Variants in PCDHGB7 observed in about 807,000 individuals in gnomAD.
The protein encoded by PCDHGB7 is protocadherin gamma subfamily B, 7, also known as protocadherin gamma-B7.
In PCDHGB7, 37 loss-of-function variants were observed where a neutral mutation model predicts 61.4. The ratio of observed to expected loss-of-function variants is 0.60; its 90% CI spans 0.46 to 0.79. PCDHGB7 has a LOEUF of 0.79. PCDHGB7 is among the 30% of genes least tolerant of loss of function. The pLI, the probability that PCDHGB7 is intolerant of heterozygous loss-of-function variation, is 0.00. For missense variants in PCDHGB7, 1,166 were observed against 1,202.5 expected (o/e 0.97, Z 0.45); for synonymous variants, 464 against 503.5 (o/e 0.92, Z 1.05).
At chr5:141,488,705 G>C (rs1024064135) in intron 1 of PCDHGB7, among the ~76,000 whole-genome samples, 8 of 152,200 alleles carry the variant, frequency 5.3e-5, no homozygotes, top group Non-Finnish European at 1.2e-4. Context: ...AGATTTTGCT[G>C]GTTCAAGCAA....
intron 1 of PCDHGB7, among the ~76,000 whole-genome samples, chr5:141,466,558 C>T (rs1407160827): frequency 6.6e-6 from 1 of 152,120 alleles, no homozygotes; most frequent in Non-Finnish European, 1.5e-5. Flanking sequence ...CTGTGGGCTT[C>T]ATCTTCAACA....
chr5:141,504,546 G>A (rs911626023), intron 2 of PCDHGB7, among the ~76,000 whole-genome samples: 5 of 151,802 alleles, frequency 3.3e-5, no homozygotes, highest in African/African-American at 1.2e-4. Flanking sequence ...CATGGCAAAT[G>A]TTGGGGGACT....
At position 141,490,381 on chromosome 5, in the gene PCDHGB7, A is replaced by T. The variant is rs770046796; in HGVS notation, c.2416-4426A>T. 1 of 1,614,240 alleles carries T rather than the reference A, an allele frequency of 6.2e-7. No homozygotes were observed. The highest frequency in any genetic ancestry group is 1.1e-5 in the South Asian group (1 of 91,090). On this transcript the variant is annotated intron_variant, in intron 1 of 3. Coordinates refer to ENST00000398594, the MANE Select transcript of PCDHGB7 (RefSeq NM_018927.4). This position sits in a 1 kb window ranked among gnomAD's most constrained non-coding sequence, Gnocchi z 5.4. ...TAATGTGCGAGACCGGGACTCAGGT[A>T]GAAATGGTGAAGTGAGCCTTGATAT...
rs1444171664 is a variant in PCDHGB7, at chr5:141,477,015, T to G, written c.2416-17792T>G. The G allele has an allele frequency of 1.2e-6, 2 of 1,614,210 alleles. No homozygotes were observed. Among genetic ancestry groups the G allele is most frequent in the Non-Finnish European group, 1.7e-6 (2 of 1,180,038 alleles). On this transcript the variant is annotated intron_variant, in intron 1 of 3. Coordinates refer to ENST00000398594, the MANE Select transcript of PCDHGB7 (RefSeq NM_018927.4). This position sits in a 1 kb window ranked among gnomAD's most constrained non-coding sequence, Gnocchi z 4.9. ...CGGCAACTATTCGCCTTAGACCTTG[T>G]AACCGGGATGCTGACAATCAAGGGT...
At chr5:141,498,830 G>T (rs2099786149) in intron 2 of PCDHGB7, among the ~76,000 whole-genome samples, 1 of 152,080 alleles carries the variant, frequency 6.6e-6, no homozygotes, top group Non-Finnish European at 1.5e-5. Context: ...CTACTCAGGA[G>T]GCTGAGGCAG....
chr5:141,485,177 C>T lies in PCDHGB7; in HGVS notation c.2416-9630C>T. ...AGAGAATTAGCGGGCGGCAGCAATG[C>T]TCCGCAAGGTGAGAAGCTGGACAGA... On this transcript the variant is annotated intron_variant, in intron 1 of 3. Coordinates refer to ENST00000398594, the MANE Select transcript of PCDHGB7 (RefSeq NM_018927.4). This position sits in a 1 kb window ranked among gnomAD's most constrained non-coding sequence, Gnocchi z 5.7. 1 of 1,612,024 alleles carries T rather than the reference C, an allele frequency of 6.2e-7. No homozygotes were observed. Among genetic ancestry groups the T allele is most frequent in the South Asian group, 1.1e-5 (1 of 90,956 alleles).
Position 141,486,178 on chromosome 5 carries a change from C to A in PCDHGB7, c.2416-8629C>A, listed in dbSNP as rs767840363. On this transcript the variant is annotated intron_variant, in intron 1 of 3. Transcript: ENST00000398594. This position sits in a 1 kb window ranked among gnomAD's most constrained non-coding sequence, Gnocchi z 5.0. ...CTCCAGCCATGGAGCAACATTGCAG[C>A]CTTCGAGTGGATCTGCTGGACGTAA... 1.2e-6 allele frequency: 2 copies of A among 1,614,194 alleles called. No homozygotes were observed. The highest frequency in any genetic ancestry group is 2.2e-5 in the East Asian group (1 of 44,882).
At chr5:141,433,261 A>G (rs761584659) in intron 1 of PCDHGB7, 4 of 1,344,710 alleles carry the variant, frequency 3.0e-6, no homozygotes, top group Non-Finnish European at 4.1e-6. Context: ...CGGTACGATC[A>G]TAGCTCACTG....
intron 3 of PCDHGB7, chr5:141,507,089 C>T (rs564539147): frequency 2.0e-5 from 3 of 152,298 alleles, no homozygotes; most frequent in Admixed American, 1.3e-4. Context: ...TAAGTTTATG[C>T]TCTTTCTACT....
At position 141,431,808 on chromosome 5, in the gene PCDHGB7, C is replaced by A. The variant is rs2097419249; in HGVS notation, c.2415+11534C>A. Reference sequence around the variant, plus strand: ...GACAATGCCCCAGAAGTGGTCCTCACCTCTCTCGCCAGCTCGGTTCCCGAA... The same window carrying A: ...GACAATGCCCCAGAAGTGGTCCTCAACTCTCTCGCCAGCTCGGTTCCCGAA... On this transcript the variant is annotated intron_variant, in intron 1 of 3. Transcript: ENST00000398594. The surrounding 1 kb of genome is among the most constrained non-coding windows in gnomAD (Gnocchi z 4.8). The A allele has an allele frequency of 6.2e-7, 1 of 1,614,236 alleles. No individual in the cohort carries two copies. Among genetic ancestry groups the A allele is most frequent in the Non-Finnish European group, 8.5e-7 (1 of 1,180,040 alleles).
chr5:141,430,949 GT>G (rs1391027030), intron 1 of PCDHGB7: 5 of 1,610,510 alleles, frequency 3.1e-6, no homozygotes, highest in Non-Finnish European at 4.2e-6. Flanking sequence ...GGAGCGCGGA[GT>G]CCGCATCATC....
At position 141,450,006 on chromosome 5, in the gene PCDHGB7, C is replaced by CTATTTTTTTTTTT. The variant is rs70988802; in HGVS notation, c.2415+29733_2415+29734insATTTTTTTTTTTT. Among the ~76,000 whole-genome samples, 4 of 132,982 alleles carry CTATTTTTTTTTTT rather than the reference C, an allele frequency of 3.0e-5. 1 individual carries two copies. The highest frequency in any genetic ancestry group is 5.6e-5 in the African/African-American group (2 of 35,576). 87.2% of individuals were successfully genotyped at this position (132,982 alleles called of 152,430 possible). A position where few individuals can be genotyped will look rare whatever the true frequency, so the allele number is the denominator to read the frequency against. Reference sequence around the variant, plus strand: ...CACATTGCATTTAGTTGCCATGTCTCTTTTTTTTTTTTTTTTTTGAGACAG... The same window carrying CTATTTTTTTTTTT: ...CACATTGCATTTAGTTGCCATGTCTCTATTTTTTTTTTTTTTTTTTTTTTTTTTTTTGAGACAG... On this transcript the variant is annotated intron_variant, in intron 1 of 3. Transcript: ENST00000398594.
Position 141,418,943 on chromosome 5 carries a change from C to T in PCDHGB7, c.1084C>T (p.Pro362Ser), listed in dbSNP as rs751344893. Residue 362 changes from proline to serine, a missense_variant, in exon 1 of 4, where the codon CCA (proline) becomes TCA (serine). Coordinates refer to ENST00000398594, the MANE Select transcript of PCDHGB7 (RefSeq NM_018927.4). ...TGATCAGATTATGGAGGATTCCCCT[C>T]CAGGAGTGGTTGTTGCCCTCTTCAA... ...LSDQIMEDSP[P>S]GVVVALFKTR... The T allele has an allele frequency of 3.1e-6, 5 of 1,613,914 alleles. No homozygotes were observed. The African/African-American group carries it at 6.7e-5, about 22-fold the overall frequency.
In PCDHGB7 at chr5:141,419,796, T is replaced by C. The variant is rs1334397368; in HGVS notation, c.1937T>C (p.Val646Ala). 6.2e-7 allele frequency: 1 copy of C among 1,614,026 alleles called. No homozygotes were observed. The highest frequency in any genetic ancestry group is 1.7e-5 in the Admixed American group (1 of 60,024). ...DSVRQRLLVA[V>A]RDGGQPPLSA... is the part of the protein sequence containing the mutation. ...GTCCGCCAGCGCCTGCTAGTCGCTG[T>C]AAGAGATGGAGGACAGCCACCCCTT... Residue 646 changes from valine (V) to alanine (A), a missense_variant, in exon 1 of 4, where the codon GTA becomes GCA. Coordinates refer to ENST00000398594, the MANE Select transcript of PCDHGB7 (RefSeq NM_018927.4).
At chr5:141,501,326 CACACACA>C (rs1562200783) in intron 2 of PCDHGB7, among the ~76,000 whole-genome samples, 10 of 151,784 alleles carry the variant, frequency 6.6e-5, no homozygotes, top group African/African-American at 1.9e-4. Flanking sequence ...CACACACACA[CACACACA>C]CCCCAAACTC....
At chr5:141,506,700 G>A (rs780282969) in intron 3 of PCDHGB7, among the ~76,000 whole-genome samples, 3 of 152,138 alleles carry the variant, frequency 2.0e-5, no homozygotes, top group Non-Finnish European at 2.9e-5. Flanking sequence ...ACCCAAACCC[G>A]TTTTTTACTG....
At position 141,418,922 on chromosome 5, in the gene PCDHGB7, C is replaced by G. The variant is rs180948941; in HGVS notation, c.1063C>G (p.Gln355Glu). The G allele has an allele frequency of 3.7e-6, 6 of 1,613,994 alleles. 1 individual carries two copies. In the Admixed American group the frequency reaches 6.7e-5, roughly 18 times the overall value. The change falls in exon 1 of 4, where the codon CAG becomes GAG. Residue 355 changes from glutamine to glutamate, a missense_variant. Physicochemically the swap from Gln to Glu is conservative, Grantham distance 29. Coordinates refer to ENST00000398594, the MANE Select transcript of PCDHGB7 (RefSeq NM_018927.4). ...AATAATCATCACGTCACTCTCTGAT[C>G]AGATTATGGAGGATTCCCCTCCAGG... Reference protein sequence around the residue: ...PEIIITSLSDQIMEDSPPGVV... With the variant: ...PEIIITSLSDEIMEDSPPGVV...
intron 1 of PCDHGB7, among the ~76,000 whole-genome samples, chr5:141,471,869 G>A (rs1234106506): frequency 6.6e-6 from 1 of 152,172 alleles, no homozygotes; most frequent in Non-Finnish European, 1.5e-5. Flanking sequence ...AACTGTGGTT[G>A]CCTGAGGCTG....
intron 1 of PCDHGB7, among the ~76,000 whole-genome samples, chr5:141,492,226 C>T (rs1365682179): frequency 6.6e-6 from 1 of 152,178 alleles, no homozygotes; most frequent in Non-Finnish European, 1.5e-5. Flanking sequence ...CATGCGTGTC[C>T]TCCCTGCTGG....
Sources: gnomAD v4.1 joint callset for allele counts (sites outside exome capture counted in the v4.1 genomes callset) on GRCh38, gnomAD v4.1.1 for gene constraint, Gnocchi (gnomAD v3.1) non-coding constraint, MANE v1.5 for transcripts, NCBI Gene and HGNC (gene_info 2026-07-23, HGNC 2026-07-21) for gene names.